Variants in PRKD1 observed in about 807,000 individuals in gnomAD.
PRKD1 encodes serine/threonine-protein kinase D1.
In PRKD1, 63 loss-of-function variants were observed where a neutral mutation model predicts 95.9. The observed-to-expected ratio is 0.66, with a 90% CI of 0.54 to 0.81. PRKD1 has a LOEUF of 0.81. Ranked by LOEUF, PRKD1 falls within the 30% of genes least tolerant of loss-of-function variation. PRKD1 has a pLI of 0.00. For synonymous variants in PRKD1, 425 were observed against 423.1 expected (o/e 1.00, Z -0.05); for missense variants, 1,048 against 1,165.3 (o/e 0.90, Z 1.47).
chr14:29,782,539 T>C (rs1027310118), intron 1 of PRKD1, among the ~76,000 whole-genome samples: 1 of 152,192 alleles, frequency 6.6e-6, no homozygotes, highest in African/African-American at 2.4e-5. Flanking sequence ...GCTTTTGTTT[T>C]TTGCTTTTTT....
At chr14:29,590,422 T>C (rs1255657238) in intron 16 of PRKD1, among the ~76,000 whole-genome samples, 2 of 152,212 alleles carry the variant, frequency 1.3e-5, no homozygotes, top group African/African-American at 4.8e-5. Context: ...TCAAATTGTA[T>C]GTTAAATGAT....
At chr14:29,643,081 T>A (rs1029150695) in intron 4 of PRKD1, among the ~76,000 whole-genome samples, 4 of 152,166 alleles carry the variant, frequency 2.6e-5, no homozygotes, top group African/African-American at 9.6e-5. Context: ...GAATGCATTT[T>A]TTAAAATTTT....
intron 1 of PRKD1, among the ~76,000 whole-genome samples, chr14:29,787,478 A>T (rs1889328649): frequency 6.6e-6 from 1 of 152,084 alleles, no homozygotes; most frequent in Non-Finnish European, 1.5e-5. Flanking sequence ...GTTTAGCTCT[A>T]ATAATATTTG....
At chr14:29,705,671 T>C (rs868186691) in intron 2 of PRKD1, among the ~76,000 whole-genome samples, 34 of 152,228 alleles carry the variant, frequency 2.2e-4, no homozygotes, top group African/African-American at 7.5e-4. Flanking sequence ...ACCACTAATC[T>C]ACTTTCTGTT....
rs576831657 is a variant in PRKD1 at position 29,921,248 on chromosome 14, G to A, written c.264+6001C>T. Among the ~76,000 whole-genome samples the A allele has an allele frequency of 1.6e-4, 24 of 152,212 alleles. No homozygotes were observed. In the East Asian group the frequency reaches 4.6e-3, roughly 29 times the overall value. On this transcript the variant is annotated intron_variant, in intron 1 of 17. Coordinates refer to ENST00000331968, the MANE Select transcript of PRKD1 (RefSeq NM_002742.3). ...GATTAGTCCTTAAAGAATGCTGAGA[G>A]TTTGAGATTTGAGAAACTGTTTCAA...
intron 4 of PRKD1, among the ~76,000 whole-genome samples, chr14:29,651,281 A>G (rs902750225): frequency 3.9e-5 from 6 of 152,254 alleles, no homozygotes; most frequent in African/African-American, 1.4e-4. Flanking sequence ...CACTCAAGTG[A>G]TATTTTCAGT....
At chr14:29,597,891 A>G in intron 15 of PRKD1, 133 bp from the exon 16 acceptor site, 1 of 955,542 alleles carries the variant, frequency 1.0e-6, no homozygotes, top group Non-Finnish European at 1.5e-6. Flanking sequence ...GATTTCTTAA[A>G]GTAATAGCTA....
chr14:29,812,443 G>A (rs1890527529), intron 1 of PRKD1, among the ~76,000 whole-genome samples: 1 of 152,176 alleles, frequency 6.6e-6, no homozygotes, highest in South Asian at 2.1e-4. Flanking sequence ...CAGGAGGAAA[G>A]CGTTCAGTTA....
At chr14:29,609,462 A>G (rs34639292) in intron 13 of PRKD1, among the ~76,000 whole-genome samples, 1,523 of 151,012 alleles carry the variant, frequency 0.01, 13 homozygotes, top group Middle Eastern at 0.024. Flanking sequence ...TTTGCATAGC[A>G]AAAGAAATCA....
At chr14:29,671,370 G>A (rs1037853515) in intron 2 of PRKD1, among the ~76,000 whole-genome samples, 6 of 152,156 alleles carry the variant, frequency 3.9e-5, no homozygotes, top group South Asian at 2.1e-4. Flanking sequence ...AAGTGGCTCC[G>A]GCCAGAGAAC....
chr14:29,810,374 T>A (rs975211338), intron 1 of PRKD1, among the ~76,000 whole-genome samples: 6 of 152,218 alleles, frequency 3.9e-5, no homozygotes, highest in Non-Finnish European at 7.3e-5. Flanking sequence ...CGTGTGCCTG[T>A]ATGTATTCTT....
intron 1 of PRKD1, among the ~76,000 whole-genome samples, chr14:29,769,238 AAC>A (rs1888396067): frequency 2.0e-5 from 3 of 152,106 alleles, no homozygotes. Flanking sequence ...CTCCATATGT[AAC>A]ACACTCTCTC....
At chr14:29,828,827 G>A (rs1891295640) in intron 1 of PRKD1, among the ~76,000 whole-genome samples, 1 of 152,176 alleles carries the variant, frequency 6.6e-6, no homozygotes, top group South Asian at 2.1e-4. Context: ...CCCTTAGGGA[G>A]AGGTGAGGTT....
At chr14:29,720,693 T>C (rs1448219096) in intron 2 of PRKD1, among the ~76,000 whole-genome samples, 1 of 151,824 alleles carries the variant, frequency 6.6e-6, no homozygotes, top group African/African-American at 2.4e-5. Context: ...GGCAGGAGAA[T>C]TGCTTAAACC....
chr14:29,629,084 G>C lies in PRKD1; in HGVS notation c.1682C>G (p.Ser561Cys), dbSNP rs1416900360. The change falls in exon 11 of 18, where the codon TCT becomes TGT. Residue 561 changes from serine to cysteine, a missense_variant. By Grantham distance (112) the Ser-to-Cys change is moderately radical. Transcript: ENST00000331968. ...GTGTNLHRDI[S>C]VSISVSNCQI... ...GCAATTTGATACTGAAATACTCACA[G>C]AGATATCTCCTGGAAATGCATGTAA... is the stretch of plus-strand genomic sequence containing the variant. 1 of 1,607,792 alleles carries C rather than the reference G, an allele frequency of 6.2e-7. No individual in the cohort carries two copies. Among genetic ancestry groups the C allele is most frequent in the Non-Finnish European group, 8.5e-7 (1 of 1,177,222 alleles).
chr14:29,895,150 C>T lies in PRKD1; in HGVS notation c.264+32099G>A, dbSNP rs541751425. On this transcript the variant is annotated intron_variant, in intron 1 of 17. Coordinates refer to ENST00000331968, the MANE Select transcript of PRKD1 (RefSeq NM_002742.3). ...TTCGAGACCAGCCTGGCCAGCATCT[C>T]TACTAAAATACCAAAAATTATCTGG... Among the ~76,000 whole-genome samples, 137 of 152,180 alleles carry T rather than the reference C, an allele frequency of 9.0e-4. No individual in the cohort carries two copies. In the South Asian group the frequency reaches 0.026, roughly 29 times the overall value.
intron 1 of PRKD1, among the ~76,000 whole-genome samples, chr14:29,826,399 T>TATATATGATGGAATATATATATAC (rs1566621921): frequency 6.6e-5 from 6 of 91,252 alleles, no homozygotes; most frequent in East Asian, 6.0e-4. Context: ...TATATATACA[T>TATATATGATGGAATATATATATAC]ATATATGATG....
chr14:29,796,310 G>C (rs180972550), intron 1 of PRKD1, among the ~76,000 whole-genome samples: 1 of 152,014 alleles, frequency 6.6e-6, no homozygotes, highest in Admixed American at 6.6e-5. Context: ...AAATTGGTAC[G>C]AATGTTTAAT....
chr14:29,807,538 C>T (rs370264066), intron 1 of PRKD1, among the ~76,000 whole-genome samples: 5 of 151,774 alleles, frequency 3.3e-5, no homozygotes, highest in African/African-American at 7.3e-5. Flanking sequence ...CTGGGACTAC[C>T]GGTGTGTGCC....
Sources: allele counts gnomAD v4.1 joint callset (sites outside exome capture counted in the v4.1 genomes callset), GRCh38; gene constraint gnomAD v4.1.1; transcripts MANE v1.5; gene names NCBI Gene and HGNC (gene_info 2026-07-23, HGNC 2026-07-21).